The following PLCE1 variants were observed in gnomAD, a reference collection of about 807,000 sequenced individuals.
The protein encoded by PLCE1 is 1-phosphatidylinositol 4,5-bisphosphate phosphodiesterase epsilon-1.
PLCE1 carries 119 observed loss-of-function variants against 242.8 expected under a neutral mutation model. That is an observed-to-expected ratio of 0.49 (90% confidence interval 0.42 to 0.57). The LOEUF (loss-of-function observed/expected upper bound fraction) is 0.57, where lower values mean the gene tolerates loss of function less well. PLCE1 is among the 20% of genes least tolerant of loss of function. The pLI is 0.00. For missense variants in PLCE1, 2,441 were observed against 2,788.8 expected (o/e 0.88, Z 2.81); for synonymous variants, 945 against 1,017.4 (o/e 0.93, Z 1.35).
Position 94,249,982 on chromosome 10 carries a change from A to G in PLCE1, c.3097-2334A>G, listed in dbSNP as rs569757424. Among the ~76,000 whole-genome samples the G allele has an allele frequency of 6.6e-5, 10 of 152,298 alleles. 1 individual carries two copies. In the South Asian group the frequency reaches 2.1e-3, roughly 32 times the overall value. On this transcript the variant is annotated intron_variant, in intron 8 of 32. Coordinates refer to ENST00000371380, the MANE Select transcript of PLCE1 (RefSeq NM_016341.4). ...CATTCAAAGGATGTAGATTAGTTTAATGGTCTTCAAAATGTCACATGCAAA... is the reference window on the plus strand; with the variant it reads ...CATTCAAAGGATGTAGATTAGTTTAGTGGTCTTCAAAATGTCACATGCAAA...
rs779910403 is a variant in PLCE1, at chr10:94,304,547, C to G, written c.5524C>G (p.Pro1842Ala). 3 of 1,613,842 alleles carry G rather than the reference C, an allele frequency of 1.9e-6. No homozygotes were observed. In the African/African-American group the frequency reaches 4.0e-5, roughly 22 times the overall value. The change falls in exon 25 of 33, where the codon CCT becomes GCT. Residue 1842 changes from proline to alanine, a missense_variant. Physicochemically the swap from Pro to Ala is conservative, Grantham distance 27. This residue lies in a region of PLCE1 where 1,004 missense variants were observed against 1,322.7 expected (regional missense o/e 0.76). Coordinates refer to ENST00000371380, the MANE Select transcript of PLCE1 (RefSeq NM_016341.4). The stretch of plus-strand genomic sequence containing the variant: ...TGGTGGTTGTGGTTATGTATTGAAA[C>G]CTCCAGTTCTGTGGGACAAGAACTG... ...ANGGCGYVLK[P>A]PVLWDKNCPM... is the part of the protein sequence containing the mutation.
intron 2 of PLCE1, among the ~76,000 whole-genome samples, chr10:94,079,975 A>G (rs922850923): frequency 3.3e-5 from 5 of 152,188 alleles, no homozygotes; most frequent in Non-Finnish European, 7.3e-5. Flanking sequence ...AGCTGATTTT[A>G]CTATTGTGAT....
chr10:94,079,014 C>T (rs925374209), intron 2 of PLCE1, among the ~76,000 whole-genome samples: 8 of 152,136 alleles, frequency 5.3e-5, no homozygotes, highest in Non-Finnish European at 7.3e-5. Flanking sequence ...CATCCCTCCA[C>T]GGTGTAATTA....
At chr10:94,043,056 A>G (rs1008236569) in intron 2 of PLCE1, among the ~76,000 whole-genome samples, 19 of 152,214 alleles carry the variant, frequency 1.2e-4, no homozygotes, top group African/African-American at 4.6e-4. Flanking sequence ...CACCTACTTC[A>G]CAAGGTTGTG....
At chr10:94,150,741 G>C (rs879906438) in intron 3 of PLCE1, among the ~76,000 whole-genome samples, 2 of 152,136 alleles carry the variant, frequency 1.3e-5, no homozygotes, top group Admixed American at 1.3e-4. Flanking sequence ...ATCTAAGCAA[G>C]GATTTGAACT....
chr10:94,180,916 A>T (rs1366131361), intron 4 of PLCE1, among the ~76,000 whole-genome samples: 1 of 152,232 alleles, frequency 6.6e-6, no homozygotes, highest in Non-Finnish European at 1.5e-5. Flanking sequence ...GCTCAGAACT[A>T]TGAGAAAATA....
chr10:94,006,153 T>C (rs2061032900), intron 1 of PLCE1, among the ~76,000 whole-genome samples: 1 of 152,254 alleles, frequency 6.6e-6, no homozygotes, highest in Admixed American at 6.5e-5. Context: ...GATTAAGCTA[T>C]TTTTAATCTC....
chr10:94,164,472 G>A (rs960305690), intron 3 of PLCE1, among the ~76,000 whole-genome samples: 35 of 152,106 alleles, frequency 2.3e-4, no homozygotes, highest in South Asian at 1.7e-3. Context: ...CATTCATCAC[G>A]TAGTTCTCGT....
intron 4 of PLCE1, among the ~76,000 whole-genome samples, chr10:94,199,283 A>G (rs1196080801): frequency 6.6e-6 from 1 of 152,240 alleles, no homozygotes; most frequent in Non-Finnish European, 1.5e-5. Flanking sequence ...CGTTATGCGA[A>G]GTGGCTGTAT....
At chr10:94,283,727 A>C in intron 20 of PLCE1, 63 bp from the exon 21 acceptor site, 2 of 1,563,128 alleles carry the variant, frequency 1.3e-6, no homozygotes, top group South Asian at 1.1e-5. Context: ...ACAGTGATGC[A>C]CATGTAGCTC....
In PLCE1 at chr10:94,324,898, C is replaced by A; in HGVS notation, c.6727C>A (p.Arg2243=). The A allele has an allele frequency of 6.2e-7, 1 of 1,614,000 alleles. No homozygotes were observed. The highest frequency in any genetic ancestry group is 8.5e-7 in the Non-Finnish European group (1 of 1,179,980). ...AGGTTCTTTGTTCCCACAGGCATCT[C>A]GAGAAGATAAAAAGAAAGGCATTTC... The part of the protein sequence containing the change: ...LKLKEQVQAS[R]EDKKKGISFA... Residue 2243 remains arginine, a synonymous_variant, in exon 32 of 33, where the codon CGA becomes AGA. Transcript: ENST00000371380.
intron 30 of PLCE1, among the ~76,000 whole-genome samples, chr10:94,323,489 A>G (rs570533708): frequency 2.4e-4 from 36 of 152,334 alleles, no homozygotes; most frequent in Non-Finnish European, 4.1e-4. Context: ...TGCCCCTACC[A>G]TATCTGATTT....
intron 4 of PLCE1, among the ~76,000 whole-genome samples, chr10:94,190,754 T>C (rs1310957800): frequency 1.3e-5 from 2 of 152,252 alleles, no homozygotes; most frequent in African/African-American, 4.8e-5. Flanking sequence ...ATATCTAGTT[T>C]GGTACATGTT....
intron 1 of PLCE1, among the ~76,000 whole-genome samples, chr10:94,005,148 G>A (rs141201295): frequency 2.0e-5 from 3 of 152,182 alleles, no homozygotes; most frequent in African/African-American, 7.2e-5. Context: ...AATTCTGGAA[G>A]CAAGGGCTGC....
intron 17 of PLCE1, 145 bp downstream of exon 17, chr10:94,269,181 A>T: frequency 5.5e-6 from 3 of 550,158 alleles, no homozygotes; most frequent in South Asian, 1.8e-5. Flanking sequence ...GGCTCACTGC[A>T]ACCTCTGCCT....
chr10:94,177,799 T>C (rs981130586), intron 4 of PLCE1, among the ~76,000 whole-genome samples: 1 of 152,238 alleles, frequency 6.6e-6, no homozygotes, highest in Non-Finnish European at 1.5e-5. Context: ...GGCATTTTTA[T>C]AGACAATTTT....
At chr10:94,071,709 C>G (rs1046835007) in intron 2 of PLCE1, among the ~76,000 whole-genome samples, 2 of 151,662 alleles carry the variant, frequency 1.3e-5, no homozygotes, top group African/African-American at 4.8e-5. Context: ...GTGTTGCCCA[C>G]GCTGGTTTCA....
rs764021031 is a variant in PLCE1 at position 94,246,091 on chromosome 10, G to T, written c.2566G>T (p.Asp856Tyr). The change falls in exon 8 of 33, where the codon GAT (aspartate) becomes TAT (tyrosine). Residue 856 changes from aspartate (D) to tyrosine (Y), a missense_variant. Physicochemically the swap from Asp to Tyr is radical, Grantham distance 160. Transcript: ENST00000371380. The part of the protein sequence containing the change: ...IPWYVLSIQA[D>Y]VHQFLLQGAT... ...TTGGTACGTGCTGTCCATCCAAGCC[G>T]ATGTGCACCAGTTCCTGCTGCAGGG... 1.9e-6 allele frequency: 3 copies of T among 1,614,074 alleles called. No individual in the cohort carries two copies. Among genetic ancestry groups the T allele is most frequent in the East Asian group, 2.2e-5 (1 of 44,860 alleles).
rs538924325 is a variant in PLCE1 at position 94,325,988 on chromosome 10, T to C, written c.*24+884T>C. 3.3e-5 allele frequency among the ~76,000 whole-genome samples: 5 copies of C among 152,334 alleles called. No individual in the cohort carries two copies. In the East Asian group the frequency reaches 9.6e-4, roughly 29 times the overall value. On this transcript the variant is annotated intron_variant, in intron 32 of 32. Transcript: ENST00000371380. ...CTTGGAAATGCAGTAAACTGACTGC[T>C]TGATAGTCACACAAATTTCATTCTA...
Sources: gnomAD v4.1 joint callset for allele counts (sites outside exome capture counted in the v4.1 genomes callset) on GRCh38, gnomAD v4.1.1 for gene constraint, gnomAD v4.1.1 regional missense constraint, MANE v1.5 for transcripts, NCBI Gene and HGNC (gene_info 2026-07-23, HGNC 2026-07-21) for gene names.